The following HEATR6 variants were observed in gnomAD, a reference collection of about 807,000 sequenced individuals.
HEATR6 encodes the protein HEAT repeat containing 6.
A neutral mutation model predicts 132.8 loss-of-function variants in HEATR6; 106 were observed. The observed-to-expected ratio is 0.80, with a 90% CI of 0.68 to 0.94. The LOEUF (loss-of-function observed/expected upper bound fraction) is 0.94, where lower values mean the gene tolerates loss of function less well. Among genes scored for constraint, HEATR6 ranks in the 40% least tolerant of loss-of-function variants. The probability of loss-of-function intolerance (pLI) is 0.00; values close to 1 mark genes in which losing one functional copy is unlikely to be tolerated. For synonymous variants in HEATR6, 529 were observed against 537.8 expected, an observed-to-expected ratio of 0.98 and a Z score of 0.23; for missense variants, 1,339 against 1,425.1, an observed-to-expected ratio of 0.94 and a Z score of 0.97.
chr17:60,076,077 T>C lies in HEATR6; in HGVS notation c.327+53A>G, dbSNP rs575584492. 134 of 1,063,414 alleles carry C rather than the reference T, an allele frequency of 1.3e-4. No individual in the cohort carries two copies. In the African/African-American group the frequency reaches 1.8e-3, roughly 14 times the overall value. The allele number at this position is 1,063,414 out of a possible 1,614,324, so 65.9% of individuals were successfully genotyped here. A position where few individuals can be genotyped will look rare whatever the true frequency, so the allele number is the denominator to read the frequency against. The stretch of plus-strand genomic sequence containing the variant: ...TACAGATGTAGTATTTCAAAGGTAT[T>C]TACTTACTCTCAAAGTTCATGATCT... On this transcript the variant is annotated intron_variant, in intron 2 of 19. Transcript: ENST00000184956.
Position 60,043,411 on chromosome 17 carries a change from GC to G in HEATR6, c.*151del. 1 of 685,442 alleles carries G rather than the reference GC, an allele frequency of 1.5e-6. No homozygotes were observed. 42.5% of individuals were successfully genotyped at this position (685,442 alleles called of 1,614,324 possible). A position where few individuals can be genotyped will look rare whatever the true frequency, so the allele number is the denominator to read the frequency against. ...ATGGAGTCACTCCAAAGGTGGTTGA[GC>G]CCTCTGTGAAAATTTAAATGGCTGC... On this transcript the variant is annotated 3_prime_UTR_variant, in exon 20 of 20. Coordinates refer to ENST00000184956, the MANE Select transcript of HEATR6 (RefSeq NM_022070.5).
intron 11 of HEATR6, among the ~76,000 whole-genome samples, chr17:60,057,800 A>G (rs1397817771): frequency 6.6e-6 from 1 of 152,208 alleles, no homozygotes; most frequent in Non-Finnish European, 1.5e-5. Context: ...TTAACAAGAA[A>G]TATTTTTAAA....
Position 60,049,002 on chromosome 17 carries a change from A to G in HEATR6, c.2547+578T>C, listed in dbSNP as rs1388759628. Reference sequence around the variant, plus strand: ...ATATATAATATATATATATATATATATATATATATATATATATGGTAATGC... The same window carrying G: ...ATATATAATATATATATATATATATGTATATATATATATATATGGTAATGC... On this transcript the variant is annotated intron_variant, in intron 16 of 19. Coordinates refer to ENST00000184956, the MANE Select transcript of HEATR6 (RefSeq NM_022070.5). Among the ~76,000 whole-genome samples, 76 of 131,672 alleles carry G rather than the reference A, an allele frequency of 5.8e-4. 2 individuals carry two copies. The highest frequency in any genetic ancestry group is 2.2e-3 in the African/African-American group (74 of 33,576). 86.4% of individuals were successfully genotyped at this position (131,672 alleles called of 152,430 possible).
chr17:60,047,591 C>A (rs1906412076), intron 17 of HEATR6, among the ~76,000 whole-genome samples, 186 bp from the exon 18 acceptor site: 1 of 136,436 alleles, frequency 7.3e-6, no homozygotes. Context: ...ATAGGAATGT[C>A]TCAAAAAAAA....
rs372745436 is a variant in HEATR6 at position 60,076,123 on chromosome 17, T to C, written c.327+7A>G. 4 of 1,498,682 alleles carry C rather than the reference T, an allele frequency of 2.7e-6. No homozygotes were observed. Among genetic ancestry groups the C allele is most frequent in the African/African-American group, 2.8e-5 (2 of 72,702 alleles). 92.8% of individuals were successfully genotyped at this position (1,498,682 alleles called of 1,614,324 possible). On this transcript the variant is annotated splice_region_variant and intron_variant, in intron 2 of 19. Coordinates refer to ENST00000184956, the MANE Select transcript of HEATR6 (RefSeq NM_022070.5). ...GATCTGAATTCTAGAGTTACATACA[T>C]GATTACCTGTAATCTGTTAAGTAAA...
At chr17:60,055,707 C>T (rs889104542) in intron 13 of HEATR6, 106 bp from the exon 14 acceptor site, 1 of 663,866 alleles carries the variant, frequency 1.5e-6, no homozygotes, top group South Asian at 2.1e-5. Flanking sequence ...AACACCTCCA[C>T]TCGAGTAACA....
rs1244776161 is a variant in HEATR6 at position 60,042,275 on chromosome 17, G to A, written c.*1288C>T. Among the ~76,000 whole-genome samples, 1 of 152,258 alleles carries A rather than the reference G, an allele frequency of 6.6e-6. No individual in the cohort carries two copies. The highest frequency in any genetic ancestry group is 6.5e-5 in the Admixed American group (1 of 15,284). Reference sequence around the variant, plus strand: ...TATTGGATTGTGGGGAGGTGTGGCAGGGAAGGTGGTCAGGGGAACACGGGC... The same window carrying A: ...TATTGGATTGTGGGGAGGTGTGGCAAGGAAGGTGGTCAGGGGAACACGGGC... On this transcript the variant is annotated 3_prime_UTR_variant, in exon 20 of 20. Transcript: ENST00000184956.
At chr17:60,074,132 T>C in intron 2 of HEATR6, 1 of 1,215,458 alleles carries the variant, frequency 8.2e-7, no homozygotes. Context: ...CCTTGTAACT[T>C]TTCCTTGAAC....
At chr17:60,068,545 G>A (rs538731122) in intron 7 of HEATR6, among the ~76,000 whole-genome samples, 3 of 147,354 alleles carry the variant, frequency 2.0e-5, no homozygotes, top group East Asian at 2.0e-4. Flanking sequence ...TATTGCCTAC[G>A]AGATAAAAAC....
Position 60,060,054 on chromosome 17 carries a change from C to T in HEATR6, c.1459G>A (p.Gly487Ser). ...ALQVLSAILE[G>S]SKQFLSVAED... The stretch of plus-strand genomic sequence containing the variant: ...GCAACAGAAAGAAACTGCTTTGAGC[C>T]TTCCAAGATGGCAGATAAAACTTGC... Residue 487 changes from glycine to serine, a missense_variant, in exon 10 of 20, where the codon GGC becomes AGC. Transcript: ENST00000184956. 6.2e-7 allele frequency: 1 copy of T among 1,614,046 alleles called. No homozygotes were observed. The highest frequency in any genetic ancestry group is 8.5e-7 in the Non-Finnish European group (1 of 1,179,956).
chr17:60,047,434 T>C (rs1906407338), intron 17 of HEATR6, 29 bp from the exon 18 acceptor site: 1 of 1,402,664 alleles, frequency 7.1e-7, no homozygotes, highest in Admixed American at 1.7e-5. Context: ...ACAACACATG[T>C]TAAAAGGTAA....
At chr17:60,045,927 T>C (rs1906349533) in intron 19 of HEATR6, 98 bp downstream of exon 19, 5 of 929,602 alleles carry the variant, frequency 5.4e-6, no homozygotes, top group Non-Finnish European at 8.4e-6. Context: ...TTCCTAATAC[T>C]ATGACAAATA....
chr17:60,067,334 C>A, intron 8 of HEATR6, 100 bp downstream of exon 8: 1 of 674,476 alleles, frequency 1.5e-6, no homozygotes, highest in Non-Finnish European at 2.3e-6. Flanking sequence ...CCCCAGAAAT[C>A]AGGCTCTTCA....
Position 60,043,319 on chromosome 17 carries a change from A to C in HEATR6, c.*244T>G, listed in dbSNP as rs1462337368. The C allele has an allele frequency of 2.0e-6, 1 of 492,048 alleles. No homozygotes were observed. Among genetic ancestry groups the C allele is most frequent in the Non-Finnish European group, 3.6e-6 (1 of 277,260 alleles). 30.5% of individuals were successfully genotyped at this position (492,048 alleles called of 1,614,324 possible). On this transcript the variant is annotated 3_prime_UTR_variant, in exon 20 of 20. Transcript: ENST00000184956. ...AGCCCGTCTGCTTGGCCTGTATTAC[A>C]ACCTGACTCCTCGGCTCCTGGATGC...
intron 19 of HEATR6, 27 bp downstream of exon 19, chr17:60,045,998 C>T: frequency 6.5e-7 from 1 of 1,536,182 alleles, no homozygotes; most frequent in Non-Finnish European, 9.0e-7. Context: ...AGGCTTTCCA[C>T]CAGGGAGTGA....
Position 60,067,647 on chromosome 17 carries a change from G to A in HEATR6, c.1025C>T (p.Ala342Val). 2 of 1,612,898 alleles carry A rather than the reference G, an allele frequency of 1.2e-6. No individual in the cohort carries two copies. Among genetic ancestry groups the A allele is most frequent in the Non-Finnish European group, 1.7e-6 (2 of 1,179,522 alleles). The change falls in exon 8 of 20, where the codon GCA becomes GTA. Residue 342 changes from alanine to valine, a missense_variant. Coordinates refer to ENST00000184956, the MANE Select transcript of HEATR6 (RefSeq NM_022070.5). ...TCTGCCTGTGCCAGTGACTGGGGCT[G>A]CCTCTATTTCACCACTGGATTCCTT... Reference protein sequence around the residue: ...EEKESSGEIEAAPVTGTGRVN... With the variant: ...EEKESSGEIEVAPVTGTGRVN...
In HEATR6 at chr17:60,059,995, G is replaced by C. The variant is rs767021489; in HGVS notation, c.1518C>G (p.Thr506=). Residue 506 remains threonine, a synonymous_variant, in exon 10 of 20, where the codon ACC becomes ACG. Coordinates refer to ENST00000184956, the MANE Select transcript of HEATR6 (RefSeq NM_022070.5). ...EDTSDHRRAF[T]PFSVMIACSI... ...TGCAAGCGATCATTACGGAGAAGGG[G>C]GTAAAAGCCCTTCTGTGGTCACTGG... is the stretch of plus-strand genomic sequence containing the variant. The C allele has an allele frequency of 1.9e-6, 3 of 1,613,022 alleles. No individual in the cohort carries two copies. The African/African-American group carries it at 4.0e-5, about 22-fold the overall frequency.
rs750892078 is a variant in HEATR6 at position 60,046,053 on chromosome 17, A to C, written c.2946T>G (p.Asn982Lys). ...AAGGAAGGGCAGGATTTTTAAATAC[A>C]TTTCCCATTGCATAACAAGCATTCC... The part of the protein sequence containing the change: ...VRWNACYAMG[N>K]VFKNPALPLG... The change falls in exon 19 of 20, where the codon AAT becomes AAG. Residue 982 changes from asparagine (N) to lysine (K), a missense_variant. By Grantham distance (94) the Asn-to-Lys change is moderately conservative. Coordinates refer to ENST00000184956, the MANE Select transcript of HEATR6 (RefSeq NM_022070.5). 6.2e-7 allele frequency: 1 copy of C among 1,613,906 alleles called. No homozygotes were observed. Among genetic ancestry groups the C allele is most frequent in the Non-Finnish European group, 8.5e-7 (1 of 1,179,964 alleles).
Position 60,072,260 on chromosome 17 carries a change from T to C in HEATR6, c.654A>G (p.Leu218=), listed in dbSNP as rs2083273112. The stretch of plus-strand genomic sequence containing the variant: ...CCATATCAGATGATTTTGGAGACTG[T>C]AAAATAGTCAGAAAAGCTTGGAAAC... ...NVCFQAFLTI[L]QSPKSSDMDD... is the part of the protein sequence containing the mutation. The change falls in exon 5 of 20, where the codon TTA becomes TTG. Residue 218 remains leucine, a synonymous_variant. Transcript: ENST00000184956. 1 of 1,610,524 alleles carries C rather than the reference T, an allele frequency of 6.2e-7. No individual in the cohort carries two copies. Among genetic ancestry groups the C allele is most frequent in the Non-Finnish European group, 8.5e-7 (1 of 1,177,676 alleles).
Sources: gnomAD v4.1 joint callset for allele counts (sites outside exome capture counted in the v4.1 genomes callset) on GRCh38, gnomAD v4.1.1 for gene constraint, MANE v1.5 for transcripts, NCBI Gene and HGNC (gene_info 2026-07-23, HGNC 2026-07-21) for gene names.